CFAP65: variants seen among roughly 807,000 people sequenced by gnomAD.
CFAP65 encodes cilia and flagella associated protein 65, also known as cilia- and flagella-associated protein 65.
A neutral mutation model predicts 208.0 loss-of-function variants in CFAP65; 155 were observed. That is an observed-to-expected ratio of 0.75 (90% CI 0.65 to 0.85). The LOEUF is 0.85. Among genes scored for constraint, CFAP65 ranks in the 40% least tolerant of loss-of-function variants. The pLI is 0.00. For missense variants in CFAP65, 2,294 were observed against 2,451.3 expected (o/e 0.94, Z 1.36); for synonymous variants, 970 against 986.3 (o/e 0.98, Z 0.31).
Position 219,019,074 on chromosome 2 carries a change from G to A in CFAP65, c.3579C>T (p.Asn1193=), listed in dbSNP as rs571571823. ...PPSVVFLALK[N]SGVVSLDWAF... The stretch of plus-strand genomic sequence containing the variant: ...ACCAGTCCAGGGACACCACTCCGCT[G>A]TTCTTCAGGGCCAGGAATACCACGG... The change falls in exon 21 of 35, where the codon AAC becomes AAT. Residue 1193 remains asparagine, a synonymous_variant. Transcript: ENST00000341552. 3 of 1,614,132 alleles carry A rather than the reference G, an allele frequency of 1.9e-6. No homozygotes were observed. The highest frequency in any genetic ancestry group is 1.3e-5 in the African/African-American group (1 of 74,952).
At position 219,009,149 on chromosome 2, in the gene CFAP65, G is replaced by A; in HGVS notation, c.4572C>T (p.Tyr1524=). ...GATACTGCCTCATGAGCTGCTGCGA[G>A]TACAGCTATGGCCCAGGACAGAGAG... is the stretch of plus-strand genomic sequence containing the variant. The part of the protein sequence containing the change: ...FYSADLVCKL[Y]SQQLMRQYHK... Residue 1524 remains tyrosine (Y), a synonymous_variant, in exon 29 of 35, where the codon TAC becomes TAT. Coordinates refer to ENST00000341552, the MANE Select transcript of CFAP65 (RefSeq NM_194302.4). 1.2e-6 allele frequency: 2 copies of A among 1,612,336 alleles called. No individual in the cohort carries two copies. Among genetic ancestry groups the A allele is most frequent in the South Asian group, 2.2e-5 (2 of 91,038 alleles).
At position 219,010,016 on chromosome 2, in the gene CFAP65, G is replaced by T. The variant is rs1946359728; in HGVS notation, c.4378C>A (p.Leu1460Ile). 6.2e-7 allele frequency: 1 copy of T among 1,612,908 alleles called. No homozygotes were observed. The highest frequency in any genetic ancestry group is 8.5e-7 in the Non-Finnish European group (1 of 1,179,646). ...IPVQSKCSRLLFLNNISKNEE... is the reference protein window; with the variant it reads ...IPVQSKCSRLIFLNNISKNEE... ...TTCTTGGAGATGTTGTTGAGGAAGA[G>T]CAGGCGGCTGCACTTGCTCTGCACA... Residue 1460 changes from leucine (L) to isoleucine (I), a missense_variant, in exon 27 of 35, where the codon CTC becomes ATC. Coordinates refer to ENST00000341552, the MANE Select transcript of CFAP65 (RefSeq NM_194302.4).
intron 24 of CFAP65, 91 bp from the exon 25 acceptor site, chr2:219,011,087 G>C: frequency 8.3e-7 from 1 of 1,201,704 alleles, no homozygotes; most frequent in Non-Finnish European, 1.2e-6. Context: ...GGGAGGGCAG[G>C]CTGATCTCCA....
chr2:219,019,429 TC>T, intron 20 of CFAP65, 76 bp downstream of exon 20: 1 of 1,286,632 alleles, frequency 7.8e-7, no homozygotes, highest in Non-Finnish European at 1.1e-6. Context: ...GTTCTGGGAG[TC>T]TGGGCAGAAA....
Position 219,018,918 on chromosome 2 carries a change from G to A in CFAP65, c.3602+133C>T, listed in dbSNP as rs541948607. 155 of 1,265,010 alleles carry A rather than the reference G, an allele frequency of 1.2e-4. 1 individual carries two copies. The East Asian group carries it at 3.3e-3, about 27-fold the overall frequency. The allele number at this position is 1,265,010 out of a possible 1,614,324, so 78.4% of individuals were successfully genotyped here. On this transcript the variant is annotated intron_variant, in intron 21 of 34. Transcript: ENST00000341552. ...CAGTTCCACCCTGGCCTCCACAGCC[G>A]TCAATGTGAGGTCCACTCTTCACAG...
In CFAP65 at chr2:219,004,614, A is replaced by C. The variant is rs572457400; in HGVS notation, c.5052-159T>G. ...CCTCCTGTCCCTTCTTTCAAGGAAG[A>C]CATCTTTGAGCCTCATGGATTTTTA... On this transcript the variant is annotated intron_variant, in intron 32 of 34. Coordinates refer to ENST00000341552, the MANE Select transcript of CFAP65 (RefSeq NM_194302.4). The surrounding 1 kb of genome is among the most constrained non-coding windows in gnomAD (Gnocchi z 4.7). Among the ~76,000 whole-genome samples, 1 of 152,318 alleles carries C rather than the reference A, an allele frequency of 6.6e-6. No individual in the cohort carries two copies. Among genetic ancestry groups the C allele is most frequent in the East Asian group, 1.9e-4 (1 of 5,190 alleles).
chr2:219,018,370 G>A (rs1205951105), intron 21 of CFAP65: 3 of 152,358 alleles, frequency 2.0e-5, no homozygotes, highest in South Asian at 4.1e-4. Flanking sequence ...CTCTGGGGGA[G>A]AAAAGCCCCT....
At chr2:219,038,260 C>A (rs2106273805) in intron 4 of CFAP65, 115 bp downstream of exon 4, 1 of 926,306 alleles carries the variant, frequency 1.1e-6, no homozygotes, top group Non-Finnish European at 1.7e-6. Context: ...GTCTAGTGCT[C>A]AGATGCAGAG....
rs1189873229 is a variant in CFAP65, at chr2:219,005,605, A to AT, written c.4923-44dup. The stretch of plus-strand genomic sequence containing the variant: ...TTCTGAGTGGCCTGGGCAAGCCACC[A>AT]TGCTGGGGTTGGGGGCACAAGCAGT... On this transcript the variant is annotated intron_variant, in intron 31 of 34. Coordinates refer to ENST00000341552, the MANE Select transcript of CFAP65 (RefSeq NM_194302.4). The AT allele has an allele frequency of 1.9e-6, 3 of 1,605,898 alleles. 1 individual carries two copies. The South Asian group carries it at 3.3e-5, about 18-fold the overall frequency.
chr2:219,005,418 G>A lies in CFAP65; in HGVS notation c.5051+16C>T. ...ATGCGAAGGTGGCAATGAGGGCCCAGGGTGTGAGCTGGTACCTGATTATTG... is the reference window on the plus strand; with the variant it reads ...ATGCGAAGGTGGCAATGAGGGCCCAAGGTGTGAGCTGGTACCTGATTATTG... On this transcript the variant is annotated intron_variant, in intron 32 of 34. Coordinates refer to ENST00000341552, the MANE Select transcript of CFAP65 (RefSeq NM_194302.4). The A allele has an allele frequency of 6.2e-7, 1 of 1,613,702 alleles. No homozygotes were observed. Among genetic ancestry groups the A allele is most frequent in the Non-Finnish European group, 8.5e-7 (1 of 1,179,890 alleles).
chr2:219,024,139 G>A lies in CFAP65; in HGVS notation c.2471C>T (p.Pro824Leu). 6.2e-7 allele frequency: 1 copy of A among 1,614,036 alleles called. No homozygotes were observed. Among genetic ancestry groups the A allele is most frequent in the Non-Finnish European group, 8.5e-7 (1 of 1,180,038 alleles). ...CCCGGGTGCCACAAGGCCCGAAGTG[G>A]GCCGAAGGATGACGTCTGAGCCTCT... ...PQRGSDVILR[P>L]TSGLVAPGAH... The change falls in exon 15 of 35, where the codon CCC (proline) becomes CTC (leucine). Residue 824 changes from proline to leucine, a missense_variant. This residue lies in a region of CFAP65 where 1,427 missense variants were observed against 1,438.7 expected (regional missense o/e 0.99). Coordinates refer to ENST00000341552, the MANE Select transcript of CFAP65 (RefSeq NM_194302.4).
At chr2:219,014,102 G>A in intron 21 of CFAP65, 58 bp from the exon 22 acceptor site, 1 of 1,472,476 alleles carries the variant, frequency 6.8e-7, no homozygotes, top group East Asian at 2.3e-5. Context: ...AGAGAGGCAG[G>A]GGCTCTGAGA....
In CFAP65 at chr2:219,004,308, T is replaced by C. The variant is rs543228128; in HGVS notation, c.5199A>G (p.Val1733=). The part of the protein sequence containing the change: ...NSLYLMPILP[V]PSSSWEDGKG... ...TCCCATCCTCCCAGCTGCTGGAGGG[T>C]ACAGGCAGGATTGGCATTAAGTACA... Residue 1733 remains valine (V), a synonymous_variant, in exon 33 of 35, where the codon GTA becomes GTG. Coordinates refer to ENST00000341552, the MANE Select transcript of CFAP65 (RefSeq NM_194302.4). This position sits in a 1 kb window ranked among gnomAD's most constrained non-coding sequence, Gnocchi z 4.7. 104 of 1,614,024 alleles carry C rather than the reference T, an allele frequency of 6.4e-5. No individual in the cohort carries two copies. In the South Asian group the frequency reaches 1.1e-3, roughly 17 times the overall value.
chr2:219,014,117 G>A (rs1946677415), intron 21 of CFAP65, 73 bp from the exon 22 acceptor site: 1 of 1,374,570 alleles, frequency 7.3e-7, no homozygotes, highest in Admixed American at 2.3e-5. Context: ...CTGAGACCCT[G>A]ATGGGCAGGT....
At chr2:219,025,999 A>C (rs1344840195) in intron 14 of CFAP65, 23 bp downstream of exon 14, 1 of 1,611,256 alleles carries the variant, frequency 6.2e-7, no homozygotes, top group South Asian at 1.1e-5. Context: ...TCTCCCTCCC[A>C]CTGCTGTTGG....
At chr2:219,028,442 G>T in intron 11 of CFAP65, 41 bp from the exon 12 acceptor site, 1 of 1,567,492 alleles carries the variant, frequency 6.4e-7, no homozygotes, top group Non-Finnish European at 8.8e-7. Flanking sequence ...TGGGAGGGGT[G>T]GTAGGGCAAG....
rs1559113033 is a variant in CFAP65, at chr2:219,005,516, C to T, written c.4969G>A (p.Glu1657Lys). The T allele has an allele frequency of 1.2e-6, 2 of 1,613,224 alleles. No homozygotes were observed. Among genetic ancestry groups the T allele is most frequent in the Non-Finnish European group, 1.7e-6 (2 of 1,179,992 alleles). ...KAPREESETS[E>K]EKSPNKWGPV... ...CCCCACTTGTTAGGGGATTTTTCCT[C>T]AGAAGTCTCTGACTCTTCCCTGGGG... The change falls in exon 32 of 35, where the codon GAG (glutamate) becomes AAG (lysine). Residue 1657 changes from glutamate (E) to lysine (K), a missense_variant. Physicochemically the swap from Glu to Lys is moderately conservative, Grantham distance 56. Around this residue, in one of 2 missense-constraint regions of CFAP65, gnomAD observed 1,427 missense variants for 1,438.7 expected, o/e 0.99. Coordinates refer to ENST00000341552, the MANE Select transcript of CFAP65 (RefSeq NM_194302.4).
intron 29 of CFAP65, among the ~76,000 whole-genome samples, chr2:219,007,179 T>C (rs1946075430): frequency 7.0e-6 from 1 of 142,834 alleles, no homozygotes; most frequent in African/African-American, 3.0e-5. Context: ...TTTTTTTTTC[T>C]TTGTTTTTTT....
rs1287555872 is a variant in CFAP65 at position 219,004,442 on chromosome 2, C to T, written c.5065G>A (p.Asp1689Asn). The T allele has an allele frequency of 1.2e-6, 2 of 1,608,992 alleles. No individual in the cohort carries two copies. The highest frequency in any genetic ancestry group is 1.3e-5 in the African/African-American group (1 of 74,998). ...LTTIIRGLLE[D>N]KNFHEAVDQS... The stretch of plus-strand genomic sequence containing the variant: ...TCCACAGCCTCATGGAAGTTCTTGT[C>T]TTCCAGCAGGCCCCTAGGTGGCAGG... The change falls in exon 33 of 35, where the codon GAC becomes AAC. Residue 1689 changes from aspartate to asparagine, a missense_variant. Around this residue, in one of 2 missense-constraint regions of CFAP65, gnomAD observed 1,427 missense variants for 1,438.7 expected, o/e 0.99. Coordinates refer to ENST00000341552, the MANE Select transcript of CFAP65 (RefSeq NM_194302.4). This position sits in a 1 kb window ranked among gnomAD's most constrained non-coding sequence, Gnocchi z 4.7.
Sources: allele counts gnomAD v4.1 joint callset (sites outside exome capture counted in the v4.1 genomes callset), GRCh38; gene constraint gnomAD v4.1.1; regional missense constraint gnomAD v4.1.1; non-coding constraint Gnocchi (gnomAD v3.1); transcripts MANE v1.5; gene names NCBI Gene and HGNC (gene_info 2026-07-23, HGNC 2026-07-21).